VPS39: variants seen among roughly 807,000 people sequenced by gnomAD.
VPS39 encodes VPS39 subunit of HOPS complex, also known as vam6/Vps39-like protein.
In VPS39, 70 loss-of-function variants were observed where a neutral mutation model predicts 121.0. That is an observed-to-expected ratio of 0.58 (90% CI 0.48 to 0.71). The LOEUF is 0.71. Ranked by LOEUF, VPS39 falls within the 30% of genes least tolerant of loss-of-function variation. The pLI is 0.00. For missense variants in VPS39, 818 were observed against 1,051.5 expected (o/e 0.78, Z 3.07); for synonymous variants, 378 against 398.1 (o/e 0.95, Z 0.60).
At chr15:42,180,186 C>CA (rs936707314) in intron 8 of VPS39, among the ~76,000 whole-genome samples, 7 of 152,192 alleles carry the variant, frequency 4.6e-5, no homozygotes, top group African/African-American at 1.4e-4. Context: ...TAATGGTACA[C>CA]AGAGAAGGTG....
intron 7 of VPS39, among the ~76,000 whole-genome samples, chr15:42,186,878 T>C (rs538960957): frequency 1.1e-4 from 17 of 152,364 alleles, no homozygotes; most frequent in South Asian, 6.2e-4. Flanking sequence ...ACAAAAAGAT[T>C]TGACGGCAGG....
At chr15:42,194,543 G>T (rs569368936) in intron 2 of VPS39, among the ~76,000 whole-genome samples, 1 of 152,224 alleles carries the variant, frequency 6.6e-6, no homozygotes, top group Non-Finnish European at 1.5e-5. Context: ...GGGCCACCCT[G>T]GGCAAGAAGA....
At chr15:42,192,227 T>C (rs2049843643) in intron 2 of VPS39, 9 of 887,996 alleles carry the variant, frequency 1.0e-5, no homozygotes, top group Non-Finnish European at 1.6e-5. Context: ...ATCATCATCA[T>C]CATCAGAGCA....
intron 1 of VPS39, 96 bp from the exon 2 acceptor site, chr15:42,200,057 G>T (rs2050035684): frequency 1.7e-6 from 2 of 1,199,600 alleles, no homozygotes; most frequent in South Asian, 1.9e-5. Context: ...TTTAGCTGGG[G>T]CTTGTAATCA....
At chr15:42,197,394 G>C (rs962533401) in intron 2 of VPS39, among the ~76,000 whole-genome samples, 1 of 134,148 alleles carries the variant, frequency 7.5e-6, no homozygotes, top group Non-Finnish European at 1.6e-5. Context: ...AAAAAAAAAA[G>C]ATACAAAAAT....
chr15:42,162,356 G>C lies in VPS39; in HGVS notation c.2301C>G (p.His767Gln), dbSNP rs750713111. Reference sequence around the variant, plus strand: ...CCTTGGTGGTGTCCAGTTTGCTGTGGTGTAGCTCGAGGACCTGCAGAGCGG... The same window carrying C: ...CCTTGGTGGTGTCCAGTTTGCTGTGCTGTAGCTCGAGGACCTGCAGAGCGG... ...LQAALQVLEL[H>Q]HSKLDTTKAL... Residue 767 changes from histidine to glutamine, a missense_variant, in exon 22 of 25, where the codon CAC (histidine) becomes CAG (glutamine). Coordinates refer to ENST00000318006, the MANE Select transcript of VPS39 (RefSeq NM_015289.5). 1 of 1,613,002 alleles carries C rather than the reference G, an allele frequency of 6.2e-7. No homozygotes were observed. The highest frequency in any genetic ancestry group is 1.1e-5 in the South Asian group (1 of 90,870).
intron 1 of VPS39, among the ~76,000 whole-genome samples, chr15:42,203,168 T>C (rs1405778674): frequency 6.6e-6 from 1 of 152,014 alleles, no homozygotes; most frequent in Non-Finnish European, 1.5e-5. Context: ...CCGTCTCTAC[T>C]AAAAAATATA....
chr15:42,198,488 T>G (rs2049991338), intron 2 of VPS39, among the ~76,000 whole-genome samples: 1 of 152,112 alleles, frequency 6.6e-6, no homozygotes, highest in South Asian at 2.1e-4. Flanking sequence ...GCAGCTGGAA[T>G]TATAAGCACG....
chr15:42,185,841 A>T (rs614733), intron 7 of VPS39, among the ~76,000 whole-genome samples: 7,450 of 152,288 alleles, frequency 0.049, 435 homozygotes, highest in African/African-American at 0.12. Flanking sequence ...GTCAAAACAC[A>T]GAACTGTACA....
chr15:42,162,597 A>C, intron 21 of VPS39, 116 bp from the exon 22 acceptor site: 1 of 1,216,612 alleles, frequency 8.2e-7, no homozygotes. Context: ...ATCACTGAGC[A>C]TGTAAAACTG....
At chr15:42,189,353 G>A in intron 4 of VPS39, 145 bp from the exon 5 acceptor site, 1 of 636,906 alleles carries the variant, frequency 1.6e-6, no homozygotes, top group Non-Finnish European at 2.8e-6. Context: ...GTTTCACTAG[G>A]ATGATTCATT....
chr15:42,163,774 G>C, intron 19 of VPS39, 46 bp from the exon 20 acceptor site: 10 of 1,411,422 alleles, frequency 7.1e-6, no homozygotes, highest in Non-Finnish European at 8.9e-6. Context: ...CATCACGCAA[G>C]CACAAGGTGG....
chr15:42,208,119 T>G lies in VPS39; in HGVS notation c.35A>C (p.Glu12Ala). 1 of 1,590,394 alleles carries G rather than the reference T, an allele frequency of 6.3e-7. No individual in the cohort carries two copies. Among genetic ancestry groups the G allele is most frequent in the Non-Finnish European group, 8.6e-7 (1 of 1,167,822 alleles). Residue 12 changes from glutamate (E) to alanine (A), a missense_variant, in exon 1 of 25, where the codon GAA (glutamate) becomes GCA (alanine). Transcript: ENST00000318006. Reference protein sequence around the residue: ...HDAFEPVPILEKLPLQIDCLA... With the variant: ...HDAFEPVPILAKLPLQIDCLA... ...ACAGTCGATTTGCAGAGGCAGCTTTTCTAGGATCGGCACTGGCTCGAAAGC... is the reference window on the plus strand; with the variant it reads ...ACAGTCGATTTGCAGAGGCAGCTTTGCTAGGATCGGCACTGGCTCGAAAGC...
chr15:42,198,300 A>G (rs2049987444), intron 2 of VPS39, among the ~76,000 whole-genome samples: 1 of 152,250 alleles, frequency 6.6e-6, no homozygotes. Context: ...GCTTAATTTT[A>G]AAATTATAGA....
At chr15:42,171,871 T>A (rs2049353537) in intron 11 of VPS39, among the ~76,000 whole-genome samples, 1 of 151,502 alleles carries the variant, frequency 6.6e-6, no homozygotes, top group Non-Finnish European at 1.5e-5. Context: ...CTATGTGGAG[T>A]CTTGGTGGTA....
At chr15:42,203,961 C>T (rs2050118583) in intron 1 of VPS39, among the ~76,000 whole-genome samples, 1 of 152,222 alleles carries the variant, frequency 6.6e-6, no homozygotes, top group Admixed American at 6.5e-5. Context: ...CACACATAAG[C>T]AAAGCAGTAT....
chr15:42,168,325 T>G (rs759803407), intron 12 of VPS39, among the ~76,000 whole-genome samples: 3 of 152,208 alleles, frequency 2.0e-5, no homozygotes, highest in Non-Finnish European at 4.4e-5. Flanking sequence ...GGAGATAGTA[T>G]GCCCAGGAAT....
intron 4 of VPS39, 128 bp downstream of exon 4, chr15:42,190,995 CCT>C: frequency 1.0e-6 from 1 of 971,568 alleles, no homozygotes; most frequent in Non-Finnish European, 1.6e-6. Flanking sequence ...AACCATGTAC[CCT>C]GTTATACCAG....
intron 7 of VPS39, among the ~76,000 whole-genome samples, chr15:42,186,276 CA>C (rs11337458): frequency 0.32 from 42,705 of 134,324 alleles, 8,652 homozygotes; most frequent in African/African-American, 0.58. Flanking sequence ...TACAAAAATA[CA>C]AAAAAAAAAA....
Sources: allele counts gnomAD v4.1 joint callset (sites outside exome capture counted in the v4.1 genomes callset), GRCh38; gene constraint gnomAD v4.1.1; transcripts MANE v1.5; gene names NCBI Gene and HGNC (gene_info 2026-07-23, HGNC 2026-07-21).